The following CDC42BPB variants were observed in gnomAD, a reference collection of about 807,000 sequenced individuals.
The protein encoded by CDC42BPB is serine/threonine-protein kinase MRCK beta.
A neutral mutation model predicts 214.9 loss-of-function variants in CDC42BPB; 37 were observed. That is an observed-to-expected ratio of 0.17 (90% CI 0.13 to 0.23). CDC42BPB has a LOEUF of 0.23. Among genes scored for constraint, CDC42BPB ranks in the 10% least tolerant of loss-of-function variants. The pLI is 1.00. For missense variants in CDC42BPB, 1,694 were observed against 2,227.0 expected (o/e 0.76, Z 4.82); for synonymous variants, 931 against 884.0 (o/e 1.05, Z -0.94).
chr14:103,045,179 GA>G (rs1353995389), intron 1 of CDC42BPB, among the ~76,000 whole-genome samples: 5 of 152,162 alleles, frequency 3.3e-5, no homozygotes, highest in African/African-American at 1.2e-4. Flanking sequence ...CAAGGACCCT[GA>G]AGTGCTGTTT....
At chr14:103,025,017 A>G (rs1382134872) in intron 1 of CDC42BPB, among the ~76,000 whole-genome samples, 3 of 152,208 alleles carry the variant, frequency 2.0e-5, no homozygotes, top group African/African-American at 7.2e-5. Context: ...TCTAGTAGAC[A>G]GTATATTTTG....
At position 102,939,960 on chromosome 14, in the gene CDC42BPB, AGC is replaced by A. The variant is rs775335460; in HGVS notation, c.4592-15_4592-14del. The stretch of plus-strand genomic sequence containing the variant: ...TTGAGAACCGCTCCTGCAGAAGCAG[AGC>A]GCGCGGTGACGGTGCTGCGGCACCA... On this transcript the variant is annotated splice_polypyrimidine_tract_variant and intron_variant, in intron 32 of 36. Coordinates refer to ENST00000361246, the MANE Select transcript of CDC42BPB (RefSeq NM_006035.4). 9 of 1,613,746 alleles carry A rather than the reference AGC, an allele frequency of 5.6e-6. No individual in the cohort carries two copies. Among genetic ancestry groups the A allele is most frequent in the Non-Finnish European group, 7.6e-6 (9 of 1,180,022 alleles).
At chr14:102,971,463 G>A (rs191924790) in intron 13 of CDC42BPB, among the ~76,000 whole-genome samples, 13 of 152,298 alleles carry the variant, frequency 8.5e-5, no homozygotes, top group Admixed American at 3.9e-4. Flanking sequence ...CCTAAGCGGC[G>A]GCCTGAAGTG....
At position 103,048,695 on chromosome 14, in the gene CDC42BPB, A is replaced by G. The variant is rs1231192874; in HGVS notation, c.175+8304T>C. On this transcript the variant is annotated intron_variant, in intron 1 of 36. Transcript: ENST00000361246. ...TGCACTCCAGCCTGGGCGACAGAGC[A>G]AGACTCCGTCTCAAAAAAAAAAAAA... Among the ~76,000 whole-genome samples, 20 of 147,138 alleles carry G rather than the reference A, an allele frequency of 1.4e-4. No individual in the cohort carries two copies. In the East Asian group the frequency reaches 3.6e-3, roughly 27 times the overall value.
At chr14:102,940,577 G>C in intron 30 of CDC42BPB, 3 of 961,578 alleles carry the variant, frequency 3.1e-6, no homozygotes, top group Non-Finnish European at 4.4e-6. Flanking sequence ...CTACAGTACA[G>C]ATGTTGAAGG....
chr14:102,980,728 C>G, intron 8 of CDC42BPB, 45 bp downstream of exon 8: 2 of 1,598,016 alleles, frequency 1.3e-6, no homozygotes, highest in Non-Finnish European at 1.7e-6. Context: ...CACTGCATGT[C>G]AGACCCACAG....
chr14:103,031,111 A>G (rs1343534481), intron 1 of CDC42BPB, among the ~76,000 whole-genome samples: 3 of 151,938 alleles, frequency 2.0e-5, no homozygotes, highest in Non-Finnish European at 4.4e-5. Context: ...TTTTATGCTG[A>G]TATTTTTCAG....
intron 12 of CDC42BPB, among the ~76,000 whole-genome samples, chr14:102,972,777 A>C: frequency 6.9e-6 from 1 of 145,368 alleles, no homozygotes; most frequent in East Asian, 2.1e-4. Flanking sequence ...GCGTGCTTAC[A>C]GGAGGACGCT....
intron 5 of CDC42BPB, among the ~76,000 whole-genome samples, chr14:102,993,599 G>A (rs1415915834): frequency 6.6e-6 from 1 of 152,000 alleles, no homozygotes; most frequent in Admixed American, 6.6e-5. Flanking sequence ...GGAAGCAGAA[G>A]CAGACCCAGC....
intron 18 of CDC42BPB, 66 bp from the exon 19 acceptor site, chr14:102,964,716 A>C (rs895645269): frequency 6.7e-7 from 1 of 1,500,356 alleles, no homozygotes; most frequent in Non-Finnish European, 8.9e-7. Flanking sequence ...TAATGTTAAC[A>C]AATAAGTTAT....
chr14:102,959,620 C>A lies in CDC42BPB; in HGVS notation c.2901+11G>T, dbSNP rs762160219. ...ACTCATCTGTCACTTAAAAAAAAAACAATGACTTACTCTAAATGTCAGGTC... is the reference window on the plus strand; with the variant it reads ...ACTCATCTGTCACTTAAAAAAAAAAAAATGACTTACTCTAAATGTCAGGTC... On this transcript the variant is annotated intron_variant, in intron 21 of 36. Coordinates refer to ENST00000361246, the MANE Select transcript of CDC42BPB (RefSeq NM_006035.4). 19 of 1,532,366 alleles carry A rather than the reference C, an allele frequency of 1.2e-5. No individual in the cohort carries two copies. Among genetic ancestry groups the A allele is most frequent in the South Asian group, 4.8e-5 (4 of 83,580 alleles). The allele number at this position is 1,532,366 out of a possible 1,614,324, so 94.9% of individuals were successfully genotyped here. A position where few individuals can be genotyped will look rare whatever the true frequency, so the allele number is the denominator to read the frequency against.
At position 102,950,537 on chromosome 14, in the gene CDC42BPB, C is replaced by G. The variant is rs772702155; in HGVS notation, c.3238G>C (p.Glu1080Gln). ...ACGCCCAGAGGCCTCTTGGACTGCT[C>G]GGGAGGTATTGGGCACACCTGGGGG... ...GAPQVCPIPP[E>Q]QSKRPLGVDV... The change falls in exon 25 of 37, where the codon GAG (glutamate) becomes CAG (glutamine). Residue 1080 changes from glutamate to glutamine, a missense_variant. Physicochemically the swap from Glu to Gln is conservative, Grantham distance 29. Around this residue, in one of 7 missense-constraint regions of CDC42BPB, gnomAD observed 567 missense variants for 790.3 expected, o/e 0.72. Transcript: ENST00000361246. The G allele has an allele frequency of 6.2e-7, 1 of 1,612,350 alleles. No individual in the cohort carries two copies. Among genetic ancestry groups the G allele is most frequent in the Non-Finnish European group, 8.5e-7 (1 of 1,179,588 alleles).
chr14:102,939,927 C>G lies in CDC42BPB; in HGVS notation c.4612G>C (p.Asp1538His), dbSNP rs1200225915. The part of the protein sequence containing the change: ...KFSGAVLNVP[D>H]TSDNSKKQML... ...TGCTTCTTGCTGTTGTCGGAGGTGT[C>G]CGGCACGTTGAGAACCGCTCCTGCA... The change falls in exon 33 of 37, where the codon GAC (aspartate) becomes CAC (histidine). Residue 1538 changes from aspartate (D) to histidine (H), a missense_variant. Transcript: ENST00000361246. The G allele has an allele frequency of 1.2e-6, 2 of 1,613,950 alleles. No individual in the cohort carries two copies. Among genetic ancestry groups the G allele is most frequent in the South Asian group, 1.1e-5 (1 of 91,086 alleles).
chr14:103,028,256 T>C (rs981672608), intron 1 of CDC42BPB, among the ~76,000 whole-genome samples: 2 of 152,242 alleles, frequency 1.3e-5, no homozygotes, highest in Non-Finnish European at 2.9e-5. Flanking sequence ...TTCATTAATT[T>C]ATTCAAAAAG....
intron 19 of CDC42BPB, among the ~76,000 whole-genome samples, chr14:102,964,286 G>A (rs1045129676): frequency 6.6e-6 from 1 of 152,250 alleles, no homozygotes; most frequent in Non-Finnish European, 1.5e-5. Context: ...CCCCGCGGCA[G>A]GCAAGGCCCT....
rs186472830 is a variant in CDC42BPB at position 103,053,989 on chromosome 14, C to T, written c.175+3010G>A. ...CAGAGTAACTGGGACTACAGGTGTG[C>T]GCCACCATGCCCAGCTAATTTTTAT... On this transcript the variant is annotated intron_variant, in intron 1 of 36. Coordinates refer to ENST00000361246, the MANE Select transcript of CDC42BPB (RefSeq NM_006035.4). 8.0e-4 allele frequency among the ~76,000 whole-genome samples: 121 copies of T among 151,884 alleles called. 1 individual carries two copies. The highest frequency in any genetic ancestry group is 6.9e-4 in the Non-Finnish European group (47 of 67,958).
chr14:103,002,986 C>G (rs544110367), intron 4 of CDC42BPB, among the ~76,000 whole-genome samples: 2 of 152,210 alleles, frequency 1.3e-5, no homozygotes, highest in Admixed American at 1.3e-4. Context: ...TCCCACACTA[C>G]TCCATCTGCT....
At position 102,933,447 on chromosome 14, in the gene CDC42BPB, G is replaced by C. The variant is rs1245067584; in HGVS notation, c.*265C>G. Reference sequence around the variant, plus strand: ...CATATGCCCTCTCGGGTTGTCAGGGGTGGGAGACAGGCTGTATGGGGGTCC... The same window carrying C: ...CATATGCCCTCTCGGGTTGTCAGGGCTGGGAGACAGGCTGTATGGGGGTCC... On this transcript the variant is annotated 3_prime_UTR_variant, in exon 37 of 37. Coordinates refer to ENST00000361246, the MANE Select transcript of CDC42BPB (RefSeq NM_006035.4). 2.9e-6 allele frequency: 1 copy of C among 347,522 alleles called. No individual in the cohort carries two copies. Among genetic ancestry groups the C allele is most frequent in the Non-Finnish European group, 5.2e-6 (1 of 194,028 alleles). 21.5% of individuals were successfully genotyped at this position (347,522 alleles called of 1,614,324 possible). A position where few individuals can be genotyped will look rare whatever the true frequency, so the allele number is the denominator to read the frequency against.
Position 103,005,222 on chromosome 14 carries a change from T to C in CDC42BPB, c.352-1199A>G, listed in dbSNP as rs574575040. On this transcript the variant is annotated intron_variant, in intron 3 of 36. Coordinates refer to ENST00000361246, the MANE Select transcript of CDC42BPB (RefSeq NM_006035.4). ...GGCATAATTTTAACATGATTTCCTC[T>C]TTATTGAGCACAGAACAAGATTCAA... Among the ~76,000 whole-genome samples, 6 of 152,164 alleles carry C rather than the reference T, an allele frequency of 3.9e-5. No homozygotes were observed. The South Asian group carries it at 1.2e-3, about 32-fold the overall frequency.
Sources: gnomAD v4.1 joint callset for allele counts (sites outside exome capture counted in the v4.1 genomes callset) on GRCh38, gnomAD v4.1.1 for gene constraint, gnomAD v4.1.1 regional missense constraint, MANE v1.5 for transcripts, NCBI Gene and HGNC (gene_info 2026-07-23, HGNC 2026-07-21) for gene names.